The following ANO3 variants were observed in gnomAD, a reference collection of about 807,000 sequenced individuals.
ANO3 encodes the protein anoctamin 3.
ANO3 carries 99 observed loss-of-function variants against 144.8 expected under a neutral mutation model. The observed-to-expected ratio is 0.68, with a 90% CI of 0.58 to 0.81. The LOEUF is 0.81. Among genes scored for constraint, ANO3 ranks in the 30% least tolerant of loss-of-function variants. The probability of loss-of-function intolerance (pLI) is 0.00; values close to 1 mark genes in which losing one functional copy is unlikely to be tolerated. For missense variants in ANO3, 905 were observed against 1,202.2 expected (o/e 0.75, Z 3.66); for synonymous variants, 414 against 392.6 (o/e 1.05, Z -0.64).
intron 1 of ANO3, among the ~76,000 whole-genome samples, chr11:26,344,969 A>G (rs1855463345): frequency 6.6e-6 from 1 of 152,232 alleles, no homozygotes; most frequent in Admixed American, 6.5e-5. Context: ...CATGCTCTAA[A>G]GAAACACTAT....
At chr11:26,458,178 T>G (rs1183493185) in intron 3 of ANO3, among the ~76,000 whole-genome samples, 1 of 152,082 alleles carries the variant, frequency 6.6e-6, no homozygotes, top group Non-Finnish European at 1.5e-5. Context: ...TGAGGAGGAT[T>G]TCATAAAAAT....
intron 24 of ANO3, among the ~76,000 whole-genome samples, chr11:26,654,820 A>G (rs1853635843): frequency 6.6e-6 from 1 of 151,412 alleles, no homozygotes; most frequent in Non-Finnish European, 1.5e-5. Context: ...GTTGAATTTT[A>G]TAAAACATTT....
At chr11:26,300,853 T>TTA (rs1854212570) in intron 1 of ANO3, among the ~76,000 whole-genome samples, 1 of 143,738 alleles carries the variant, frequency 7.0e-6, no homozygotes, top group African/African-American at 2.8e-5. Context: ...TTTCTTTTTT[T>TTA]TCTTTTTTTT....
chr11:26,432,516 A>G (rs1858147745), intron 1 of ANO3, among the ~76,000 whole-genome samples: 1 of 152,150 alleles, frequency 6.6e-6, no homozygotes, highest in Non-Finnish European at 1.5e-5. Context: ...GTCGTCTTTC[A>G]GGGTTTTTAT....
chr11:26,441,259 A>G (rs1858511104), intron 1 of ANO3, among the ~76,000 whole-genome samples: 1 of 149,550 alleles, frequency 6.7e-6, no homozygotes, highest in Admixed American at 6.6e-5. Context: ...CTGGGACTAC[A>G]GGCGCCCGCC....
intron 4 of ANO3, among the ~76,000 whole-genome samples, chr11:26,480,840 A>C (rs1313589029): frequency 6.6e-6 from 1 of 151,926 alleles, no homozygotes; most frequent in Non-Finnish European, 1.5e-5. Context: ...TAAATAAATA[A>C]AATAATTGAG....
At chr11:26,402,145 C>T (rs1194177969) in intron 1 of ANO3, among the ~76,000 whole-genome samples, 12 of 151,982 alleles carry the variant, frequency 7.9e-5, no homozygotes, top group Non-Finnish European at 1.8e-4. Context: ...ATTTGTATTT[C>T]TTTGGGTATA....
chr11:26,496,626 C>G (rs1046071203), intron 4 of ANO3, among the ~76,000 whole-genome samples: 4 of 152,038 alleles, frequency 2.6e-5, no homozygotes, highest in Non-Finnish European at 5.9e-5. Context: ...TTAGTGTAAC[C>G]ATCACCCAAA....
chr11:26,368,184 G>A (rs779779354), intron 1 of ANO3, among the ~76,000 whole-genome samples: 5 of 152,182 alleles, frequency 3.3e-5, no homozygotes, highest in African/African-American at 4.8e-5. Context: ...CCACCTGAGT[G>A]AGCAACAAGT....
At chr11:26,404,057 C>T (rs1857215480) in intron 1 of ANO3, among the ~76,000 whole-genome samples, 1 of 151,798 alleles carries the variant, frequency 6.6e-6, no homozygotes, top group Non-Finnish European at 1.5e-5. Context: ...AAATGCCTTA[C>T]ATTGCATGCA....
At chr11:26,291,888 TG>T (rs781380243) in intron 1 of ANO3, among the ~76,000 whole-genome samples, 8 of 152,144 alleles carry the variant, frequency 5.3e-5, no homozygotes, top group Non-Finnish European at 1.2e-4. Flanking sequence ...TTATGTGTCT[TG>T]GGGTTGCTCT....
chr11:26,354,103 G>A (rs1416543738), intron 1 of ANO3, among the ~76,000 whole-genome samples: 1 of 152,106 alleles, frequency 6.6e-6, no homozygotes. Context: ...GAAAATAAGT[G>A]ATTCAGCAGG....
At chr11:26,338,031 C>T (rs1855237786) in intron 1 of ANO3, among the ~76,000 whole-genome samples, 2 of 152,076 alleles carry the variant, frequency 1.3e-5, no homozygotes, top group African/African-American at 4.8e-5. Context: ...CTGTCACCAC[C>T]TCTGTGCCTT....
At chr11:26,332,967 G>A (rs1233772008) in intron 1 of ANO3, among the ~76,000 whole-genome samples, 1 of 152,106 alleles carries the variant, frequency 6.6e-6, no homozygotes, top group African/African-American at 2.4e-5. Flanking sequence ...GAATCTGTAT[G>A]TTCAAGTTAT....
chr11:26,577,621 G>T (rs1851024616), intron 14 of ANO3, among the ~76,000 whole-genome samples: 2 of 149,862 alleles, frequency 1.3e-5, no homozygotes, highest in African/African-American at 2.4e-5. Flanking sequence ...CAGCCTCAAA[G>T]ATCTACTCAA....
At chr11:26,602,280 C>G (rs796447160) in intron 17 of ANO3, among the ~76,000 whole-genome samples, 7 of 152,222 alleles carry the variant, frequency 4.6e-5, no homozygotes, top group African/African-American at 1.7e-4. Context: ...CAGTGCCTAG[C>G]TTTGGAGGTG....
At chr11:26,350,213 G>C (rs1183081009) in intron 1 of ANO3, among the ~76,000 whole-genome samples, 1 of 152,136 alleles carries the variant, frequency 6.6e-6, no homozygotes, top group African/African-American at 2.4e-5. Flanking sequence ...TAAAAGTCAT[G>C]TCCATTCTCC....
chr11:26,481,378 T>C (rs2134088656), intron 4 of ANO3, among the ~76,000 whole-genome samples: 1 of 152,276 alleles, frequency 6.6e-6, no homozygotes, highest in East Asian at 1.9e-4. Flanking sequence ...CTGTGTGATA[T>C]ATAATCTTAC....
In ANO3 at chr11:26,283,321, A is replaced by AAT. The variant is rs58419788; in HGVS notation, c.155-26280_155-26279dup. On this transcript the variant is annotated intron_variant, in intron 1 of 27. Transcript: ENST00000672621. ...TCTTACCAAAATAAACAAATAAATAAATATATATATATATATATATATATA... is the reference window on the plus strand; with the variant it reads ...TCTTACCAAAATAAACAAATAAATAAATATATATATATATATATATATATATA... 5.6e-3 allele frequency among the ~76,000 whole-genome samples: 273 copies of AAT among 49,002 alleles called. 1 individual carries two copies. The highest frequency in any genetic ancestry group is 7.0e-3 in the South Asian group (7 of 996). 32.1% of individuals were successfully genotyped at this position (49,002 alleles called of 152,430 possible).
Sources: allele counts gnomAD v4.1 joint callset (sites outside exome capture counted in the v4.1 genomes callset), GRCh38; gene constraint gnomAD v4.1.1; transcripts MANE v1.5; gene names NCBI Gene and HGNC (gene_info 2026-07-23, HGNC 2026-07-21).